ARMC10: variants seen among roughly 807,000 people sequenced by gnomAD.
ARMC10 encodes the protein armadillo repeat containing 10.
A neutral mutation model predicts 30.2 loss-of-function variants in ARMC10; 23 were observed. The observed-to-expected ratio is 0.76, with a 90% CI of 0.55 to 1.08. The LOEUF is 1.08. Ranked by LOEUF, ARMC10 falls within the 50% of genes least tolerant of loss-of-function variation. The probability of loss-of-function intolerance (pLI) is 0.00; values close to 1 mark genes in which losing one functional copy is unlikely to be tolerated. For missense variants in ARMC10, 303 were observed against 413.7 expected, an observed-to-expected ratio of 0.73 and a Z score of 2.32; for synonymous variants, 111 against 164.4, an observed-to-expected ratio of 0.68 and a Z score of 2.48.
intron 4 of ARMC10, chr7:103,087,748 GT>G: frequency 1.0e-6 from 1 of 983,150 alleles, no homozygotes. Flanking sequence ...TCTGTATTTA[GT>G]TTAGATAAAG....
chr7:103,085,606 C>CTTCTTTTTTTTTTTTTTTT (rs1563322299), intron 3 of ARMC10, among the ~76,000 whole-genome samples: 2 of 130,584 alleles, frequency 1.5e-5, no homozygotes, highest in African/African-American at 5.7e-5. Context: ...CATTTCTCTT[C>CTTCTTTTTTTTTTTTTTTT]TTTTTTTTTT....
chr7:103,075,493 C>A, intron 1 of ARMC10, 82 bp downstream of exon 1: 1 of 1,231,752 alleles, frequency 8.1e-7, no homozygotes, highest in South Asian at 3.8e-5. Context: ...TGCGTGTGCT[C>A]GGGGTAAAAT....
intron 2 of ARMC10, among the ~76,000 whole-genome samples, chr7:103,078,154 C>T (rs1306041952): frequency 1.3e-5 from 2 of 152,144 alleles, no homozygotes; most frequent in African/African-American, 2.4e-5. Flanking sequence ...CACCATGTGC[C>T]TGGCGAATTT....
intron 5 of ARMC10, among the ~76,000 whole-genome samples, chr7:103,095,412 T>C (rs537066027): frequency 2.9e-4 from 44 of 152,350 alleles, no homozygotes; most frequent in Non-Finnish European, 5.6e-4. Flanking sequence ...CAACACTTAA[T>C]CGTGATCATT....
intron 5 of ARMC10, among the ~76,000 whole-genome samples, chr7:103,093,540 G>C (rs1427814372): frequency 1.3e-5 from 2 of 152,198 alleles, no homozygotes; most frequent in Non-Finnish European, 2.9e-5. Context: ...TGTACCAAAA[G>C]GTATTGAAAA....
intron 2 of ARMC10, among the ~76,000 whole-genome samples, chr7:103,080,634 C>T (rs10232494): frequency 0.8 from 121,654 of 151,768 alleles, 49,889 homozygotes; most frequent in Non-Finnish European, 0.9. Context: ...TTTATTTATT[C>T]ATTTATTTTT....
chr7:103,083,959 T>G, intron 3 of ARMC10, 129 bp downstream of exon 3: 1 of 1,474,198 alleles, frequency 6.8e-7, no homozygotes, highest in Middle Eastern at 1.7e-4. Context: ...CTACTTATAC[T>G]TAAAACATAA....
intron 3 of ARMC10, 179 bp downstream of exon 3, chr7:103,084,009 T>G: frequency 6.6e-7 from 1 of 1,507,514 alleles, no homozygotes; most frequent in Non-Finnish European, 8.9e-7. Flanking sequence ...AATAGTGATA[T>G]GATTATTAAT....
chr7:103,088,036 G>GTGTC (rs1801005756), intron 4 of ARMC10, among the ~76,000 whole-genome samples: 1 of 152,140 alleles, frequency 6.6e-6, no homozygotes, highest in Admixed American at 6.5e-5. Flanking sequence ...TATGTACCAA[G>GTGTC]TGTCATACCA....
intron 5 of ARMC10, 147 bp from the exon 6 acceptor site, chr7:103,097,130 G>A (rs1801820845): frequency 1.5e-6 from 1 of 679,422 alleles, no homozygotes; most frequent in Non-Finnish European, 2.6e-6. Context: ...AATGAACGGA[G>A]AAGGTTTCCT....
Position 103,099,133 on chromosome 7 carries a change from C to T in ARMC10, c.*580C>T, listed in dbSNP as rs1192391051. 1 of 132,038 alleles carries T rather than the reference C, an allele frequency of 7.6e-6. No individual in the cohort carries two copies. Among genetic ancestry groups the T allele is most frequent in the African/African-American group, 2.6e-5 (1 of 38,058 alleles). 8.2% of individuals were successfully genotyped at this position (132,038 alleles called of 1,614,324 possible). ...ATATATAAAATAGTGTGATCAATCA[C>T]AATGTCCATCTTTAGACAGTTGGTT... is the stretch of plus-strand genomic sequence containing the variant. On this transcript the variant is annotated 3_prime_UTR_variant, in exon 7 of 7. Coordinates refer to ENST00000323716, the MANE Select transcript of ARMC10 (RefSeq NM_031905.5).
chr7:103,085,591 G>C (rs1800764009), intron 3 of ARMC10, among the ~76,000 whole-genome samples: 1 of 148,310 alleles, frequency 6.7e-6, no homozygotes, highest in African/African-American at 2.5e-5. Context: ...TGAATATTTG[G>C]GTACCATTTC....
chr7:103,077,797 T>G (rs1194853426), intron 2 of ARMC10, among the ~76,000 whole-genome samples: 1 of 152,232 alleles, frequency 6.6e-6, no homozygotes, highest in Non-Finnish European at 1.5e-5. Flanking sequence ...TCAGTTATAC[T>G]GACTCAATCT....
At chr7:103,096,647 G>C (rs550581219) in intron 5 of ARMC10, 1 of 152,854 alleles carries the variant, frequency 6.5e-6, no homozygotes, top group African/African-American at 2.4e-5. Flanking sequence ...GCTGTTCACA[G>C]GCACAATCAT....
intron 2 of ARMC10, among the ~76,000 whole-genome samples, chr7:103,080,696 C>T (rs953941275): frequency 2.6e-5 from 4 of 151,664 alleles, no homozygotes; most frequent in East Asian, 1.9e-4. Flanking sequence ...GGTGGGATCT[C>T]GGCTCACTGC....
At chr7:103,076,848 C>CAAA (rs1799903998) in intron 2 of ARMC10, among the ~76,000 whole-genome samples, 1 of 8,140 alleles carries the variant, frequency 1.2e-4, no homozygotes, top group Non-Finnish European at 5.4e-3. Flanking sequence ...AAACAAAAAA[C>CAAA]AAACAAAAAG....
At chr7:103,091,489 TATATATATA>T (rs770461469) in intron 4 of ARMC10, among the ~76,000 whole-genome samples, 1 of 143,756 alleles carries the variant, frequency 7.0e-6, no homozygotes, top group Non-Finnish European at 1.5e-5. Context: ...AGGGGTGAAT[TATATATATA>T]TATATATATA....
In ARMC10 at chr7:103,079,537, C is replaced by T. The variant is rs906404687; in HGVS notation, c.244+3656C>T. 2.0e-5 allele frequency among the ~76,000 whole-genome samples: 3 copies of T among 152,182 alleles called. No homozygotes were observed. In the South Asian group the frequency reaches 6.2e-4, roughly 31 times the overall value. On this transcript the variant is annotated intron_variant, in intron 2 of 6. Transcript: ENST00000323716. Reference sequence around the variant, plus strand: ...GTCTGCTATCACAGCTACTATTCAACGTTCTTCTGGAGTCATAGCTTGATA... The same window carrying T: ...GTCTGCTATCACAGCTACTATTCAATGTTCTTCTGGAGTCATAGCTTGATA...
At chr7:103,083,863 C>A (rs780745037) in intron 3 of ARMC10, 33 bp downstream of exon 3, 1 of 1,607,736 alleles carries the variant, frequency 6.2e-7, no homozygotes, top group East Asian at 2.2e-5. Flanking sequence ...CAAGCTCTTT[C>A]CATTCTTACA....
Sources: allele counts gnomAD v4.1 joint callset (sites outside exome capture counted in the v4.1 genomes callset), GRCh38; gene constraint gnomAD v4.1.1; transcripts MANE v1.5; gene names NCBI Gene and HGNC (gene_info 2026-07-23, HGNC 2026-07-21).